VDAC1: variants seen among roughly 807,000 people sequenced by gnomAD.
VDAC1 encodes voltage dependent anion channel 1.
VDAC1 carries 10 observed loss-of-function variants against 34.7 expected under a neutral mutation model. The observed-to-expected ratio is 0.29, with a 90% CI of 0.18 to 0.49. The LOEUF (loss-of-function observed/expected upper bound fraction) is 0.49, where lower values mean the gene tolerates loss of function less well. Ranked by LOEUF, VDAC1 falls within the 20% of genes least tolerant of loss-of-function variation. VDAC1 has a pLI of 0.99. For missense variants in VDAC1, 230 were observed against 347.9 expected, an observed-to-expected ratio of 0.66 and a Z score of 2.69; for synonymous variants, 130 against 136.0, an observed-to-expected ratio of 0.96 and a Z score of 0.30.
At chr5:134,098,376 C>T in the VDAC1 span, among the ~76,000 whole-genome samples, 1 of 150,138 alleles carries the variant, frequency 6.7e-6, no homozygotes, top group Non-Finnish European at 1.5e-5. Context: ...AGGCACCCAC[C>T]ACCATGACCG....
chr5:134,055,506 G>A, the VDAC1 span, among the ~76,000 whole-genome samples: 2 of 150,196 alleles, frequency 1.3e-5, no homozygotes, highest in Non-Finnish European at 2.9e-5. Flanking sequence ...TGCAAGCTCC[G>A]CCACCCGGGT....
At chr5:134,104,993 A>G in the VDAC1 span, among the ~76,000 whole-genome samples, 1 of 152,080 alleles carries the variant, frequency 6.6e-6, no homozygotes, top group African/African-American at 2.4e-5. Flanking sequence ...GTGAGGCGGC[A>G]CTCTGACGCC....
chr5:134,048,656 C>T, the VDAC1 span, among the ~76,000 whole-genome samples: 2 of 152,156 alleles, frequency 1.3e-5, no homozygotes, highest in African/African-American at 4.8e-5. Flanking sequence ...TGAAACACCA[C>T]CCAATGCCCT....
the VDAC1 span, among the ~76,000 whole-genome samples, chr5:134,029,821 T>TG: frequency 7.9e-5 from 12 of 152,160 alleles, no homozygotes; most frequent in African/African-American, 2.9e-4. Context: ...TTTGAGATGC[T>TG]GGGATAGTTC....
intron 6 of VDAC1, among the ~76,000 whole-genome samples, chr5:133,978,138 C>A (rs1240745710): frequency 6.6e-6 from 1 of 152,010 alleles, no homozygotes; most frequent in African/African-American, 2.4e-5. Context: ...AAGACACTCT[C>A]CCTAAATCAG....
chr5:134,057,132 C>T, the VDAC1 span, among the ~76,000 whole-genome samples: 3 of 152,034 alleles, frequency 2.0e-5, no homozygotes, highest in Non-Finnish European at 2.9e-5. Flanking sequence ...ATCAGGAGTT[C>T]GAGACCAGCC....
At chr5:134,052,695 T>G in the VDAC1 span, among the ~76,000 whole-genome samples, 1 of 152,196 alleles carries the variant, frequency 6.6e-6, no homozygotes, top group African/African-American at 2.4e-5. Flanking sequence ...CCCTCCCCTA[T>G]TCAGTCCACT....
At chr5:134,093,036 G>A in the VDAC1 span, among the ~76,000 whole-genome samples, 1 of 152,202 alleles carries the variant, frequency 6.6e-6, no homozygotes, top group East Asian at 1.9e-4. Flanking sequence ...AAGGTGATTT[G>A]TGGATTCATG....
chr5:133,988,059 C>T (rs985381798), intron 5 of VDAC1, among the ~76,000 whole-genome samples: 11 of 152,134 alleles, frequency 7.2e-5, no homozygotes, highest in Non-Finnish European at 1.3e-4. Flanking sequence ...GAAGACTTAA[C>T]AATTAGATGC....
the VDAC1 span, among the ~76,000 whole-genome samples, chr5:134,031,848 G>A: frequency 6.6e-6 from 1 of 151,802 alleles, no homozygotes; most frequent in Admixed American, 6.6e-5. Context: ...CTACTTGGGA[G>A]GCTGAGGCAG....
chr5:134,022,587 C>T, the VDAC1 span, among the ~76,000 whole-genome samples: 15 of 152,126 alleles, frequency 9.9e-5, no homozygotes, highest in African/African-American at 2.2e-4. Context: ...CCTACCTCCC[C>T]GCAATGGAAA....
chr5:134,017,068 C>T, the VDAC1 span, among the ~76,000 whole-genome samples: 6 of 152,230 alleles, frequency 3.9e-5, no homozygotes, highest in Admixed American at 2.0e-4. Flanking sequence ...ACGGGAACTT[C>T]TTCAATCTAC....
the VDAC1 span, among the ~76,000 whole-genome samples, chr5:134,012,452 A>G: frequency 6.6e-6 from 1 of 152,234 alleles, no homozygotes; most frequent in African/African-American, 2.4e-5. Context: ...CCCAAAATTG[A>G]TATGTTGAAA....
At chr5:134,088,323 T>C in the VDAC1 span, among the ~76,000 whole-genome samples, 5 of 152,164 alleles carry the variant, frequency 3.3e-5, no homozygotes, top group African/African-American at 1.2e-4. Flanking sequence ...GGCCAGGTGC[T>C]ACTGAAAAGG....
Position 133,993,036 on chromosome 5 carries a change from C to G in VDAC1, c.-6-18G>C. 6.2e-7 allele frequency: 1 copy of G among 1,601,738 alleles called. No homozygotes were observed. The highest frequency in any genetic ancestry group is 1.3e-5 in the African/African-American group (1 of 74,646). ...ATCTTCTGCTATGATAAAAGAATCA[C>G]CAGAATAAATGCATTGATAATTAGG... On this transcript the variant is annotated intron_variant, in intron 1 of 8. Coordinates refer to ENST00000265333, the MANE Select transcript of VDAC1 (RefSeq NM_003374.3).
chr5:134,005,090 C>G (rs1043874904), upstream of VDAC1: 6 of 152,308 alleles, frequency 3.9e-5, no homozygotes, highest in African/African-American at 1.2e-4. Context: ...GGGGAGGAGG[C>G]CTTCCGATTC....
the VDAC1 span, among the ~76,000 whole-genome samples, chr5:134,030,060 G>C: frequency 6.6e-6 from 1 of 152,124 alleles, no homozygotes; most frequent in Non-Finnish European, 1.5e-5. Context: ...AAGGAAAAAG[G>C]CCGGGCACGG....
chr5:133,990,980 A>G (rs1423121044), intron 4 of VDAC1, 22 bp downstream of exon 4: 1 of 1,612,844 alleles, frequency 6.2e-7, no homozygotes. Flanking sequence ...ATAAATCCAC[A>G]TCTTTTCACA....
At chr5:134,094,288 G>GA in the VDAC1 span, among the ~76,000 whole-genome samples, 72 of 152,366 alleles carry the variant, frequency 4.7e-4, no homozygotes, top group African/African-American at 1.7e-3. Flanking sequence ...GGGAGTGCCT[G>GA]ATGGATATCT....
Sources: allele counts gnomAD v4.1 joint callset (sites outside exome capture counted in the v4.1 genomes callset), GRCh38; gene constraint gnomAD v4.1.1; transcripts MANE v1.5; gene names NCBI Gene and HGNC (gene_info 2026-07-23, HGNC 2026-07-21).